APH1B: variants seen among roughly 807,000 people sequenced by gnomAD.
APH1B encodes aph-1B gamma-secretase subunit.
Under a neutral mutation model 28.2 loss-of-function variants are expected in APH1B, and 27 were observed. That is an observed-to-expected ratio of 0.96 (90% CI 0.70 to 1.32). APH1B has a LOEUF of 1.32. APH1B is among the 40% of genes most tolerant of loss of function. The pLI is 0.00. For synonymous variants in APH1B, 141 were observed against 124.6 expected (o/e 1.13, Z -0.88); for missense variants, 305 against 313.6 (o/e 0.97, Z 0.21).
chr15:63,287,891 C>T (rs1328883524), intron 4 of APH1B, among the ~76,000 whole-genome samples: 2 of 152,084 alleles, frequency 1.3e-5, no homozygotes, highest in Non-Finnish European at 2.9e-5. Context: ...CTATAATTGT[C>T]ATTGTGGTGC....
rs200321315 is a variant in APH1B at position 63,279,186 on chromosome 15, C to G, written c.139C>G (p.Leu47Val). 8 of 1,606,470 alleles carry G rather than the reference C, an allele frequency of 5.0e-6. No homozygotes were observed. The highest frequency in any genetic ancestry group is 6.8e-6 in the Non-Finnish European group (8 of 1,174,638). The change falls in exon 2 of 6, where the codon CTG (leucine) becomes GTG (valine). Residue 47 changes from leucine to valine, a missense_variant. Coordinates refer to ENST00000261879, the MANE Select transcript of APH1B (RefSeq NM_031301.4). ...AGCTTTCTTCTGGTTGGTGTCTCTA[C>G]TGATTTCGTCCCTTGTTTGGTTCAT... ...AGAFFWLVSL[L>V]ISSLVWFMAR... is the part of the protein sequence containing the mutation.
intron 4 of APH1B, among the ~76,000 whole-genome samples, chr15:63,290,759 G>T (rs774948864): frequency 1.2e-4 from 19 of 152,206 alleles, no homozygotes; most frequent in Non-Finnish European, 2.6e-4. Context: ...CAAGTGCAAG[G>T]ACGACATCTG....
chr15:63,278,950 A>C (rs1410560898), intron 1 of APH1B, among the ~76,000 whole-genome samples: 5 of 152,242 alleles, frequency 3.3e-5, no homozygotes, highest in Non-Finnish European at 7.3e-5. Context: ...GGGAAACCTC[A>C]GCCTTCCTCT....
In APH1B at chr15:63,302,358, G is replaced by A. The variant is rs1319756633; in HGVS notation, c.492G>A (p.Leu164=). 1.9e-6 allele frequency: 3 copies of A among 1,613,782 alleles called. No individual in the cohort carries two copies. The Admixed American group carries it at 5.0e-5, about 27-fold the overall frequency. ...GCTCTCTTTCAGCTTTCATGACGCT[G>A]GTCATTATCTTGCTGCATGTATTCT... is the stretch of plus-strand genomic sequence containing the variant. ...QFFLYSAFMT[L]VIILLHVFWG... is the part of the protein sequence containing the mutation. The change falls in exon 5 of 6, where the codon CTG becomes CTA. Residue 164 remains leucine, a synonymous_variant. Coordinates refer to ENST00000261879, the MANE Select transcript of APH1B (RefSeq NM_031301.4).
intron 2 of APH1B, among the ~76,000 whole-genome samples, chr15:63,284,691 A>G (rs992136849): frequency 2.6e-5 from 4 of 152,234 alleles, no homozygotes; most frequent in Admixed American, 2.6e-4. Context: ...TTGTTGACTG[A>G]AATGTTGCTA....
intron 2 of APH1B, among the ~76,000 whole-genome samples, chr15:63,284,065 T>G (rs949343084): frequency 3.3e-5 from 5 of 152,250 alleles, no homozygotes; most frequent in Admixed American, 3.3e-4. Flanking sequence ...TACACCAGTA[T>G]AAGATGATCT....
intron 5 of APH1B, among the ~76,000 whole-genome samples, chr15:63,303,679 T>C (rs76855300): frequency 0.086 from 13,100 of 152,146 alleles, 782 homozygotes; most frequent in Non-Finnish European, 0.13. Context: ...AATTTTTTTG[T>C]AGAGATGAGC....
chr15:63,295,266 A>G (rs2038552796), intron 4 of APH1B, among the ~76,000 whole-genome samples: 1 of 152,242 alleles, frequency 6.6e-6, no homozygotes, highest in Non-Finnish European at 1.5e-5. Context: ...ATTAATAGAA[A>G]GTAATAGAAT....
In APH1B at chr15:63,305,926, C is replaced by T; in HGVS notation, c.*145C>T. 1 of 1,085,494 alleles carries T rather than the reference C, an allele frequency of 9.2e-7. No homozygotes were observed. Among genetic ancestry groups the T allele is most frequent in the Non-Finnish European group, 1.3e-6 (1 of 781,206 alleles). 67.2% of individuals were successfully genotyped at this position (1,085,494 alleles called of 1,614,324 possible). A position where few individuals can be genotyped will look rare whatever the true frequency, so the allele number is the denominator to read the frequency against. On this transcript the variant is annotated 3_prime_UTR_variant, in exon 6 of 6. Transcript: ENST00000261879. ...ATGCGTTCCATTCACTTGGCTTTCA[C>T]ACAACTGCTCTCCGAAAGGGGTGCT...
chr15:63,287,604 G>A (rs2038461948), intron 4 of APH1B, 58 bp downstream of exon 4: 1 of 1,569,218 alleles, frequency 6.4e-7, no homozygotes, highest in Non-Finnish European at 8.7e-7. Flanking sequence ...CATTCTTATT[G>A]GGGTTCACTG....
At chr15:63,303,619 C>T (rs1439384517) in intron 5 of APH1B, among the ~76,000 whole-genome samples, 2 of 152,138 alleles carry the variant, frequency 1.3e-5, no homozygotes, top group Non-Finnish European at 2.9e-5. Flanking sequence ...CCACACCCTT[C>T]CAAGTAGCTG....
chr15:63,298,798 G>T (rs1274468824), intron 4 of APH1B, among the ~76,000 whole-genome samples: 1 of 152,038 alleles, frequency 6.6e-6, no homozygotes, highest in Non-Finnish European at 1.5e-5. Context: ...AAGCCACGCA[G>T]TGGAGCTGGG....
At chr15:63,287,722 T>G (rs937454856) in intron 4 of APH1B, among the ~76,000 whole-genome samples, 176 bp downstream of exon 4, 2 of 152,090 alleles carry the variant, frequency 1.3e-5, no homozygotes, top group Non-Finnish European at 1.5e-5. Context: ...CTGGTTAGAG[T>G]GTTTTAGAAT....
intron 4 of APH1B, among the ~76,000 whole-genome samples, chr15:63,297,958 C>T (rs961168422): frequency 4.6e-5 from 7 of 152,028 alleles, no homozygotes; most frequent in African/African-American, 1.7e-4. Flanking sequence ...AATACATGTC[C>T]AAGGGATCTC....
At chr15:63,285,110 A>G (rs1371063103) in intron 2 of APH1B, among the ~76,000 whole-genome samples, 1 of 152,256 alleles carries the variant, frequency 6.6e-6, no homozygotes, top group African/African-American at 2.4e-5. Flanking sequence ...AAATGCTTCC[A>G]GATGGAGAGC....
Position 63,302,384 on chromosome 15 carries a change from G to A in APH1B, c.518G>A (p.Trp173Ter). 4 of 1,614,080 alleles carry A rather than the reference G, an allele frequency of 2.5e-6. No individual in the cohort carries two copies. Among genetic ancestry groups the A allele is most frequent in the Non-Finnish European group, 3.4e-6 (4 of 1,179,994 alleles). The change falls in exon 5 of 6, where the codon TGG (tryptophan) becomes TAG (stop). Residue 173 changes from tryptophan (W) to a stop codon, truncating the protein, a stop_gained. Coordinates refer to ENST00000261879, the MANE Select transcript of APH1B (RefSeq NM_031301.4). LOFTEE classifies it high-confidence loss of function. ...GTCATTATCTTGCTGCATGTATTCT[G>A]GGGCATTGTATTTTTTGATGGCTGT... ...TLVIILLHVF[W>*]GIVFFDGCEK...
chr15:63,277,774 TCCCCTCC>T (rs756521992), intron 1 of APH1B, 38 bp downstream of exon 1: 1 of 1,581,672 alleles, frequency 6.3e-7, no homozygotes, highest in Admixed American at 1.7e-5. Context: ...ACGCCGGGGC[TCCCCTCC>T]CCCGCTGGGG....
intron 2 of APH1B, among the ~76,000 whole-genome samples, chr15:63,279,877 A>C (rs2038367420): frequency 6.6e-6 from 1 of 150,388 alleles, no homozygotes; most frequent in Non-Finnish European, 1.5e-5. Flanking sequence ...AGCTCACGGC[A>C]ACCTCTGCCT....
chr15:63,292,673 G>T, intron 4 of APH1B, among the ~76,000 whole-genome samples: 1 of 152,168 alleles, frequency 6.6e-6, no homozygotes, highest in Non-Finnish European at 1.5e-5. Flanking sequence ...TATAGGGTGT[G>T]AGCCACCACG....
Sources: allele counts gnomAD v4.1 joint callset (sites outside exome capture counted in the v4.1 genomes callset), GRCh38; gene constraint gnomAD v4.1.1; transcripts MANE v1.5; gene names NCBI Gene and HGNC (gene_info 2026-07-23, HGNC 2026-07-21).